IGF1R: variants seen among roughly 807,000 people sequenced by gnomAD.
IGF1R encodes the protein insulin-like growth factor 1 receptor.
Under a neutral mutation model 144.6 loss-of-function variants are expected in IGF1R, and 44 were observed. The ratio of observed to expected loss-of-function variants is 0.30; its 90% CI spans 0.24 to 0.39. The LOEUF (loss-of-function observed/expected upper bound fraction) is 0.39, where lower values mean the gene tolerates loss of function less well. Among genes scored for constraint, IGF1R ranks in the 10% least tolerant of loss-of-function variants. The pLI, the probability that IGF1R is intolerant of heterozygous loss-of-function variation, is 1.00. For missense variants in IGF1R, 1,355 were observed against 1,833.7 expected (o/e 0.74, Z 4.77); for synonymous variants, 795 against 722.8 (o/e 1.10, Z -1.60).
intron 2 of IGF1R, chr15:98,820,779 A>G (rs1458197313): frequency 1.3e-5 from 2 of 152,238 alleles, no homozygotes; most frequent in African/African-American, 4.8e-5. Flanking sequence ...ATATTTTGCT[A>G]AAAGTAAACC....
intron 1 of IGF1R, among the ~76,000 whole-genome samples, chr15:98,656,864 T>A (rs2052498300): frequency 6.6e-6 from 1 of 152,252 alleles, no homozygotes; most frequent in Admixed American, 6.5e-5. Context: ...TTTGTATACT[T>A]TTGTTCAACC....
At chr15:98,669,765 C>A (rs1200096355) in intron 1 of IGF1R, among the ~76,000 whole-genome samples, 1 of 152,228 alleles carries the variant, frequency 6.6e-6, no homozygotes, top group Non-Finnish European at 1.5e-5. Flanking sequence ...GCCCCGTGTT[C>A]TAGCTTCCCG....
intron 2 of IGF1R, among the ~76,000 whole-genome samples, chr15:98,806,383 C>T (rs553066600): frequency 6.6e-6 from 1 of 152,256 alleles, no homozygotes; most frequent in East Asian, 1.9e-4. Context: ...TTGGGAGGGA[C>T]AAGTTTGGGG....
chr15:98,954,197 C>T (rs1010321374), intron 20 of IGF1R: 10 of 152,286 alleles, frequency 6.6e-5, no homozygotes, highest in African/African-American at 2.4e-4. Flanking sequence ...TACGGAGGCA[C>T]CTCTGTGTGC....
intron 2 of IGF1R, among the ~76,000 whole-genome samples, chr15:98,866,155 C>T (rs2012431781): frequency 6.6e-6 from 1 of 152,240 alleles, no homozygotes; most frequent in African/African-American, 2.4e-5. Flanking sequence ...CACGCGAGCA[C>T]CCCATGACTC....
chr15:98,780,556 AAAAAAAAAAAAAAAAAAAAGAGAG>A (rs915879645), intron 2 of IGF1R, among the ~76,000 whole-genome samples: 2 of 17,490 alleles, frequency 1.1e-4, no homozygotes, highest in South Asian at 2.0e-3. Context: ...TCTCAAAAAA[AAAAAAAAAAAAAAAAAAAAGAGAG>A]AGAGAGTAAA....
At chr15:98,871,090 G>A (rs2012759242) in intron 2 of IGF1R, among the ~76,000 whole-genome samples, 1 of 152,228 alleles carries the variant, frequency 6.6e-6, no homozygotes, top group Non-Finnish European at 1.5e-5. Flanking sequence ...GCCTGCGTAT[G>A]TTCTTGCTTG....
At position 98,922,560 on chromosome 15, in the gene IGF1R, G is replaced by A. The variant is rs1185339799; in HGVS notation, c.2485+129G>A. 27 of 1,117,352 alleles carry A rather than the reference G, an allele frequency of 2.4e-5. No individual in the cohort carries two copies. In the East Asian group the frequency reaches 3.1e-4, roughly 13 times the overall value. The allele number at this position is 1,117,352 out of a possible 1,614,324, so 69.2% of individuals were successfully genotyped here. A position where few individuals can be genotyped will look rare whatever the true frequency, so the allele number is the denominator to read the frequency against. On this transcript the variant is annotated intron_variant, in intron 11 of 20. Transcript: ENST00000650285. ...GACCCAGGCCTGCCTGCTAAATAACGTGCAGTCATTGGCAGGTGGCGTGTA... is the reference window on the plus strand; with the variant it reads ...GACCCAGGCCTGCCTGCTAAATAACATGCAGTCATTGGCAGGTGGCGTGTA...
intron 2 of IGF1R, among the ~76,000 whole-genome samples, chr15:98,803,498 T>TTTTTTTTATTTA (rs139683177): frequency 6.9e-6 from 1 of 144,610 alleles, no homozygotes; most frequent in Non-Finnish European, 1.5e-5. Flanking sequence ...GAATATTACA[T>TTTTTTTTATTTA]TTTATTTATT....
intron 2 of IGF1R, among the ~76,000 whole-genome samples, chr15:98,821,809 G>T (rs571683961): frequency 2.0e-5 from 3 of 152,302 alleles, no homozygotes; most frequent in Non-Finnish European, 4.4e-5. Context: ...GTGTTGAAAG[G>T]TGAGCAGGAA....
At chr15:98,664,191 C>T (rs115532565) in intron 1 of IGF1R, among the ~76,000 whole-genome samples, 2,031 of 152,248 alleles carry the variant, frequency 0.013, 43 homozygotes, top group African/African-American at 0.04. Context: ...GAGTTTCAGA[C>T]GGTCTCCGCT....
intron 2 of IGF1R, among the ~76,000 whole-genome samples, chr15:98,794,408 G>C (rs889988038): frequency 6.6e-6 from 1 of 152,124 alleles, no homozygotes; most frequent in Non-Finnish European, 1.5e-5. Context: ...GTTGCCCCCC[G>C]TGGTGCTCAG....
At chr15:98,886,209 C>T (rs1221716413) in intron 2 of IGF1R, among the ~76,000 whole-genome samples, 1 of 151,974 alleles carries the variant, frequency 6.6e-6, no homozygotes, top group African/African-American at 2.4e-5. Flanking sequence ...TTTTTAAAAA[C>T]TCTAGAAATA....
chr15:98,956,933 C>T (rs2017012236), intron 20 of IGF1R, 128 bp from the exon 21 acceptor site: 1 of 1,036,418 alleles, frequency 9.6e-7, no homozygotes, highest in Non-Finnish European at 1.5e-6. Flanking sequence ...TGGAGAGGGG[C>T]AGCAGGGCTG....
chr15:98,945,422 A>G (rs2016515064), intron 19 of IGF1R, among the ~76,000 whole-genome samples: 3 of 152,234 alleles, frequency 2.0e-5, no homozygotes, highest in Admixed American at 6.5e-5. Flanking sequence ...GGGGACTCAC[A>G]GCCGCCGGTC....
chr15:98,820,823 G>A (rs756187838), intron 2 of IGF1R: 2 of 152,152 alleles, frequency 1.3e-5, no homozygotes, highest in African/African-American at 2.4e-5. Context: ...GACCTCGAAG[G>A]CCTGAGTACG....
chr15:98,713,299 A>C (rs1055649613), intron 2 of IGF1R, among the ~76,000 whole-genome samples: 1 of 152,026 alleles, frequency 6.6e-6, no homozygotes, highest in African/African-American at 2.4e-5. Context: ...TTAGTGAAGG[A>C]TTTATTGTTC....
intron 2 of IGF1R, among the ~76,000 whole-genome samples, chr15:98,851,599 A>C (rs2011531103): frequency 6.6e-6 from 1 of 152,188 alleles, no homozygotes; most frequent in East Asian, 1.9e-4. Context: ...ATGCATCTAG[A>C]GGCATCCCCA....
chr15:98,924,503 C>G, intron 12 of IGF1R, 22 bp from the exon 13 acceptor site: 1 of 1,613,244 alleles, frequency 6.2e-7, no homozygotes. Context: ...GGGAAATTGA[C>G]ATGTATGTTT....
Sources: gnomAD v4.1 joint callset for allele counts (sites outside exome capture counted in the v4.1 genomes callset) on GRCh38, gnomAD v4.1.1 for gene constraint, MANE v1.5 for transcripts, NCBI Gene and HGNC (gene_info 2026-07-23, HGNC 2026-07-21) for gene names.